The following ASTN1 variants were observed in gnomAD, a reference collection of about 807,000 sequenced individuals.
ASTN1 encodes astrotactin-1.
ASTN1 carries 41 observed loss-of-function variants against 140.7 expected under a neutral mutation model. The ratio of observed to expected loss-of-function variants is 0.29; its 90% CI spans 0.23 to 0.38. The LOEUF (loss-of-function observed/expected upper bound fraction) is 0.38. Ranked by LOEUF, ASTN1 falls within the 10% of genes least tolerant of loss-of-function variation. The pLI, the probability that ASTN1 is intolerant of heterozygous loss-of-function variation, is 1.00. For synonymous variants in ASTN1, 640 were observed against 652.2 expected, an observed-to-expected ratio of 0.98 and a Z score of 0.29; for missense variants, 1,479 against 1,678.8, an observed-to-expected ratio of 0.88 and a Z score of 2.08.
At chr1:176,878,095 CG>C (rs1038207398) in intron 20 of ASTN1, among the ~76,000 whole-genome samples, 2 of 152,108 alleles carry the variant, frequency 1.3e-5, no homozygotes, top group African/African-American at 4.8e-5. Flanking sequence ...TGCTGAATTA[CG>C]GGGGCCTCAC....
chr1:177,162,511 G>A (rs867779747), intron 1 of ASTN1, among the ~76,000 whole-genome samples: 33 of 152,330 alleles, frequency 2.2e-4, no homozygotes, highest in South Asian at 4.1e-4. Flanking sequence ...CAGAAAACCC[G>A]TTCTTATAAC....
At chr1:176,935,370 T>G (rs919589609) in intron 15 of ASTN1, among the ~76,000 whole-genome samples, 1 of 152,234 alleles carries the variant, frequency 6.6e-6, no homozygotes, top group African/African-American at 2.4e-5. Context: ...GTCTCTAATA[T>G]CGTATTTTCC....
At chr1:176,879,916 G>A (rs10798487) in intron 20 of ASTN1, among the ~76,000 whole-genome samples, 47,697 of 152,044 alleles carry the variant, frequency 0.31, 8,997 homozygotes, top group East Asian at 0.73. Flanking sequence ...CATCATGGCC[G>A]GGGGAGCACT....
intron 6 of ASTN1, among the ~76,000 whole-genome samples, chr1:177,023,802 T>C (rs894218534): frequency 6.6e-6 from 1 of 152,170 alleles, no homozygotes; most frequent in African/African-American, 2.4e-5. Flanking sequence ...TGGAGTCCCC[T>C]GCTGCCTTGC....
At chr1:176,879,332 G>A (rs1217291580) in intron 20 of ASTN1, among the ~76,000 whole-genome samples, 1 of 152,104 alleles carries the variant, frequency 6.6e-6, no homozygotes, top group Non-Finnish European at 1.5e-5. Flanking sequence ...CATGGTGTTG[G>A]AACTCAGGTC....
At chr1:177,031,349 T>A (rs764389055) in intron 3 of ASTN1, among the ~76,000 whole-genome samples, 1 of 152,210 alleles carries the variant, frequency 6.6e-6, no homozygotes, top group African/African-American at 2.4e-5. Context: ...TTCTCTTTCA[T>A]CACAGTCTGC....
At chr1:177,163,581 A>G (rs556485537) in intron 1 of ASTN1, among the ~76,000 whole-genome samples, 1 of 152,306 alleles carries the variant, frequency 6.6e-6, no homozygotes, top group South Asian at 2.1e-4. Flanking sequence ...AAAAAGAGAG[A>G]GATGTAAACA....
At chr1:176,877,612 G>T (rs962368643) in intron 20 of ASTN1, among the ~76,000 whole-genome samples, 2 of 152,212 alleles carry the variant, frequency 1.3e-5, no homozygotes, top group Admixed American at 1.3e-4. Context: ...AGGAATTCTA[G>T]GTTCTGCCAC....
chr1:176,965,596 G>A (rs1672843114), intron 8 of ASTN1, among the ~76,000 whole-genome samples: 1 of 152,140 alleles, frequency 6.6e-6, no homozygotes, highest in Admixed American at 6.5e-5. Flanking sequence ...AGAGCAGCGT[G>A]ATTTCTTGGG....
Position 176,956,741 on chromosome 1 carries a change from G to T in ASTN1, c.1887+937C>A, listed in dbSNP as rs576671188. On this transcript the variant is annotated intron_variant, in intron 11 of 22. Transcript: ENST00000361833. ...GGGAGGGATGGAAACAGACAATAGT[G>T]CTATGAGTATAAGAATGGCCCACAC... is the stretch of plus-strand genomic sequence containing the variant. 2.6e-5 allele frequency among the ~76,000 whole-genome samples: 4 copies of T among 152,266 alleles called. No individual in the cohort carries two copies. In the South Asian group the frequency reaches 8.3e-4, roughly 32 times the overall value.
intron 2 of ASTN1, among the ~76,000 whole-genome samples, chr1:177,051,741 G>C (rs1677552635): frequency 6.6e-6 from 1 of 152,106 alleles, no homozygotes; most frequent in Non-Finnish European, 1.5e-5. Flanking sequence ...TGGAGAAAAG[G>C]TAATGGCATC....
intron 21 of ASTN1, among the ~76,000 whole-genome samples, chr1:176,876,246 C>T (rs79117163): frequency 2.6e-5 from 4 of 152,206 alleles, no homozygotes; most frequent in African/African-American, 4.8e-5. Flanking sequence ...TACTTCACTA[C>T]ATACGTCAGC....
At chr1:176,987,265 C>A (rs1005151620) in intron 8 of ASTN1, among the ~76,000 whole-genome samples, 1 of 152,198 alleles carries the variant, frequency 6.6e-6, no homozygotes, top group Admixed American at 6.5e-5. Context: ...TCTGTTGCAA[C>A]TACATAACTC....
chr1:177,153,348 A>T (rs572605441), intron 1 of ASTN1, among the ~76,000 whole-genome samples: 1 of 152,210 alleles, frequency 6.6e-6, no homozygotes, highest in South Asian at 2.1e-4. Flanking sequence ...CCAGATGCAG[A>T]TACCCAATCT....
At chr1:176,994,309 C>T (rs1674338009) in intron 8 of ASTN1, among the ~76,000 whole-genome samples, 1 of 152,110 alleles carries the variant, frequency 6.6e-6, no homozygotes, top group Non-Finnish European at 1.5e-5. Flanking sequence ...CCTGCATTTA[C>T]TTTTCCTCTT....
At chr1:177,127,015 T>C (rs139549013) in intron 1 of ASTN1, among the ~76,000 whole-genome samples, 362 of 152,180 alleles carry the variant, frequency 2.4e-3, no homozygotes, top group African/African-American at 7.8e-3. Flanking sequence ...TATGCCCCCA[T>C]GCCAAGTAGA....
chr1:176,917,454 C>T (rs1329393028), intron 16 of ASTN1, among the ~76,000 whole-genome samples: 1 of 152,124 alleles, frequency 6.6e-6, no homozygotes, highest in South Asian at 2.1e-4. Flanking sequence ...CTGGCACCCC[C>T]GTGGGAAGAC....
At chr1:176,971,459 T>C (rs993042941) in intron 8 of ASTN1, among the ~76,000 whole-genome samples, 1 of 152,216 alleles carries the variant, frequency 6.6e-6, no homozygotes, top group Non-Finnish European at 1.5e-5. Context: ...AAGGATGCTA[T>C]AGGGCCTTGA....
chr1:177,074,691 T>C (rs977255339), intron 1 of ASTN1, among the ~76,000 whole-genome samples: 5 of 152,236 alleles, frequency 3.3e-5, no homozygotes, highest in African/African-American at 1.2e-4. Flanking sequence ...ATATCACCTT[T>C]CCTAACTTCT....
Sources: allele counts gnomAD v4.1 joint callset (sites outside exome capture counted in the v4.1 genomes callset), GRCh38; gene constraint gnomAD v4.1.1; transcripts MANE v1.5; gene names NCBI Gene and HGNC (gene_info 2026-07-23, HGNC 2026-07-21).